MYO15A: variants seen among roughly 807,000 people sequenced by gnomAD.
MYO15A encodes the protein unconventional myosin-XV.
In MYO15A, 308 loss-of-function variants were observed where a neutral mutation model predicts 394.6. The observed-to-expected ratio is 0.78, with a 90% CI of 0.71 to 0.86. The LOEUF is 0.86. Among genes scored for constraint, MYO15A ranks in the 40% least tolerant of loss-of-function variants. The probability of loss-of-function intolerance (pLI) is 0.00; values close to 1 mark genes in which losing one functional copy is unlikely to be tolerated. For synonymous variants in MYO15A, 1,957 were observed against 2,003.8 expected, an observed-to-expected ratio of 0.98 and a Z score of 0.62; for missense variants, 4,606 against 4,799.1, an observed-to-expected ratio of 0.96 and a Z score of 1.19.
intron 56 of MYO15A, chr17:18,160,893 A>G: frequency 2.8e-6 from 1 of 359,906 alleles, no homozygotes; most frequent in Non-Finnish European, 5.4e-6. Context: ...CTACCTCCTC[A>G]CTTGCTCTCC....
Position 18,142,214 on chromosome 17 carries a change from A to G in MYO15A, c.5785A>G (p.Ile1929Val). 1 of 1,613,482 alleles carries G rather than the reference A, an allele frequency of 6.2e-7. No individual in the cohort carries two copies. Among genetic ancestry groups the G allele is most frequent in the Non-Finnish European group, 8.5e-7 (1 of 1,179,982 alleles). ...KRRFRSLRHKIILLQSRARGY... is the reference protein window; with the variant it reads ...KRRFRSLRHKVILLQSRARGY... The stretch of plus-strand genomic sequence containing the variant: ...GCGATTCCGCTCTCTGCGCCACAAG[A>G]TCATCCTGCTGCAAAGCCGGGCCCG... Residue 1929 changes from isoleucine to valine, a missense_variant, in exon 24 of 66, where the codon ATC becomes GTC. By Grantham distance (29) the Ile-to-Val change is conservative. Transcript: ENST00000647165.
At position 18,144,483 on chromosome 17, in the gene MYO15A, G is replaced by T. The variant is rs780428612; in HGVS notation, c.6178-14G>T. 1.2e-6 allele frequency: 2 copies of T among 1,610,750 alleles called. No individual in the cohort carries two copies. Among genetic ancestry groups the T allele is most frequent in the Non-Finnish European group, 8.5e-7 (1 of 1,178,232 alleles). ...TCCAGCTCTGTCTGCTCATGTGCCT[G>T]CCCTGTGTCTTAGGAACCTGCCTTT... On this transcript the variant is annotated splice_polypyrimidine_tract_variant and intron_variant, in intron 28 of 65. Transcript: ENST00000647165.
chr17:18,143,463 C>G (rs939631363), intron 25 of MYO15A, 103 bp from the exon 26 acceptor site: 1 of 1,353,360 alleles, frequency 7.4e-7, no homozygotes, highest in African/African-American at 1.5e-5. Context: ...AGCTGCCCCC[C>G]TTGCTTGAGT....
chr17:18,162,215 A>G (rs2142401413), intron 57 of MYO15A, among the ~76,000 whole-genome samples: 1 of 152,224 alleles, frequency 6.6e-6, no homozygotes, highest in African/African-American at 2.4e-5. Context: ...CTGGCAGGGT[A>G]TCCCAGCTGG....
chr17:18,166,226 G>T (rs1483141274), intron 60 of MYO15A, 135 bp from the exon 61 acceptor site: 2 of 1,085,618 alleles, frequency 1.8e-6, no homozygotes, highest in Admixed American at 4.0e-5. Flanking sequence ...CTGTGTCCCA[G>T]AACAGGCAGG....
intron 65 of MYO15A, chr17:18,178,336 C>T: frequency 3.3e-6 from 1 of 301,904 alleles, no homozygotes; most frequent in Non-Finnish European, 6.6e-6. Flanking sequence ...CGCCATTGCA[C>T]TCCAGCCTGG....
rs968105343 is a variant in MYO15A at position 18,159,298 on chromosome 17, C to T, written c.9180C>T (p.Ile3060=). ...AGACTCCCCTCCAGGAATCCCTCAT[C>T]GAACTCAGCGACAGCAGCCTCAGCA... ...FTKTPLQESL[I]ELSDSSLSKM... The change falls in exon 54 of 66, where the codon ATC becomes ATT. Residue 3060 remains isoleucine (I), a synonymous_variant. Transcript: ENST00000647165. 21 of 1,614,078 alleles carry T rather than the reference C, an allele frequency of 1.3e-5. No homozygotes were observed. Among genetic ancestry groups the T allele is most frequent in the Admixed American group, 3.3e-5 (2 of 60,010 alleles).
At chr17:18,155,751 C>A (rs962645396) in intron 47 of MYO15A, among the ~76,000 whole-genome samples, 6 of 152,192 alleles carry the variant, frequency 3.9e-5, no homozygotes, top group African/African-American at 1.4e-4. Flanking sequence ...GGGGAGGGAA[C>A]CACTGCCAGC....
chr17:18,174,130 C>G (rs1162446622), intron 65 of MYO15A, among the ~76,000 whole-genome samples: 1 of 152,154 alleles, frequency 6.6e-6, no homozygotes, highest in Non-Finnish European at 1.5e-5. Flanking sequence ...AAGGGCAGTA[C>G]GGAGCCATAG....
Position 18,132,717 on chromosome 17 carries a change from C to T in MYO15A, c.4320+151C>T, listed in dbSNP as rs2046190772. 4 of 696,102 alleles carry T rather than the reference C, an allele frequency of 5.7e-6. No homozygotes were observed. The highest frequency in any genetic ancestry group is 2.2e-5 in the Admixed American group (1 of 45,980). 43.1% of individuals were successfully genotyped at this position (696,102 alleles called of 1,614,324 possible). A position where few individuals can be genotyped will look rare whatever the true frequency, so the allele number is the denominator to read the frequency against. ...AGTTTGGATTTAAGACATCTCATGG[C>T]AGTGAGGGGGACCAGGAGTCTTCTG... On this transcript the variant is annotated intron_variant, in intron 11 of 65. Coordinates refer to ENST00000647165, the MANE Select transcript of MYO15A (RefSeq NM_016239.4). The surrounding 1 kb of genome is among the most constrained non-coding windows in gnomAD (Gnocchi z 4.6).
At chr17:18,112,704 A>G (rs2925142) in intron 1 of MYO15A, among the ~76,000 whole-genome samples, 137,701 of 152,218 alleles carry the variant, frequency 0.9, 62,280 homozygotes, top group South Asian at 0.95. Context: ...CAGCGCACCT[A>G]GCCCACATTT....
chr17:18,133,856 C>A (rs554820461), intron 12 of MYO15A, among the ~76,000 whole-genome samples: 1 of 152,204 alleles, frequency 6.6e-6, no homozygotes, highest in Non-Finnish European at 1.5e-5. Context: ...CGGGGTTTCA[C>A]CATGTTGGCC....
Position 18,151,523 on chromosome 17 carries a change from C to T in MYO15A, c.7783C>T (p.Leu2595Phe). ...GTTCCGGGGAGGCCGGCCTGAGGCC[C>T]TCAGGTCAGCACTGCCCCTGCCCCC... ...QPFRGGRPEA[L>F]RKDGGKVFMK... is the part of the protein sequence containing the mutation. Residue 2595 changes from leucine (L) to phenylalanine (F), a missense_variant, in exon 40 of 66, where the codon CTC (leucine) becomes TTC (phenylalanine). Around this residue, in one of 2 missense-constraint regions of MYO15A, gnomAD observed 2,776 missense variants for 3,109.3 expected, o/e 0.89. Coordinates refer to ENST00000647165, the MANE Select transcript of MYO15A (RefSeq NM_016239.4). 1 of 1,614,066 alleles carries T rather than the reference C, an allele frequency of 6.2e-7. No homozygotes were observed. The highest frequency in any genetic ancestry group is 1.1e-5 in the South Asian group (1 of 91,080).
At position 18,118,974 on chromosome 17, in the gene MYO15A, C is replaced by G; in HGVS notation, c.174C>G (p.Ala58=). 1 of 1,613,168 alleles carries G rather than the reference C, an allele frequency of 6.2e-7. No homozygotes were observed. Among genetic ancestry groups the G allele is most frequent in the Non-Finnish European group, 8.5e-7 (1 of 1,179,970 alleles). Residue 58 remains alanine (A), a synonymous_variant, in exon 2 of 66, where the codon GCC becomes GCG. Coordinates refer to ENST00000647165, the MANE Select transcript of MYO15A (RefSeq NM_016239.4). The part of the protein sequence containing the change: ...SKKGQFRSAS[A]FFWGLHTGPQ... ...AGGGCCAGTTCCGCAGCGCCTCGGCCTTCTTCTGGGGCCTCCACACCGGCC... is the reference window on the plus strand; with the variant it reads ...AGGGCCAGTTCCGCAGCGCCTCGGCGTTCTTCTGGGGCCTCCACACCGGCC...
chr17:18,115,617 C>CA (rs200779623), intron 1 of MYO15A, among the ~76,000 whole-genome samples: 236 of 147,854 alleles, frequency 1.6e-3, no homozygotes, highest in South Asian at 3.0e-3. Context: ...GACTCTGTCT[C>CA]AAAAAAAAAA....
chr17:18,149,427 G>A (rs749279489), intron 34 of MYO15A, 51 bp downstream of exon 34: 9 of 1,613,628 alleles, frequency 5.6e-6, no homozygotes, highest in East Asian at 2.2e-5. Context: ...CTTAGAGGCT[G>A]TGTGGGGTGG....
intron 7 of MYO15A, among the ~76,000 whole-genome samples, chr17:18,128,154 C>T (rs746136030): frequency 3.3e-5 from 5 of 152,028 alleles, no homozygotes; most frequent in Admixed American, 6.6e-5. Context: ...GGAGAACTGT[C>T]GGAGGGTGAC....
At chr17:18,145,639 G>A (rs977791674) in intron 29 of MYO15A, among the ~76,000 whole-genome samples, 4 of 152,242 alleles carry the variant, frequency 2.6e-5, no homozygotes, top group Non-Finnish European at 4.4e-5. Context: ...ACTTAGGCCC[G>A]GGGAAGTTGA....
At chr17:18,133,803 C>T (rs1023453482) in intron 12 of MYO15A, among the ~76,000 whole-genome samples, 2 of 151,806 alleles carry the variant, frequency 1.3e-5, no homozygotes, top group Admixed American at 1.3e-4. Flanking sequence ...ATTACAGGCA[C>T]ACACCACTAC....
Sources: allele counts gnomAD v4.1 joint callset (sites outside exome capture counted in the v4.1 genomes callset), GRCh38; gene constraint gnomAD v4.1.1; regional missense constraint gnomAD v4.1.1; non-coding constraint Gnocchi (gnomAD v3.1); transcripts MANE v1.5; gene names NCBI Gene and HGNC (gene_info 2026-07-23, HGNC 2026-07-21).